Variants in NLRP9 observed in about 807,000 individuals in gnomAD.
NLRP9 encodes NLR family pyrin domain containing 9.
A neutral mutation model predicts 83.1 loss-of-function variants in NLRP9; 88 were observed. The ratio of observed to expected loss-of-function variants is 1.06; its 90% CI spans 0.89 to 1.26. The LOEUF is 1.26. Ranked by LOEUF, NLRP9 falls within the 50% of genes most tolerant of loss-of-function variation. NLRP9 has a pLI of 0.00. For missense variants in NLRP9, 1,308 were observed against 1,179.3 expected, an observed-to-expected ratio of 1.11 and a Z score of -1.60; for synonymous variants, 521 against 447.6, an observed-to-expected ratio of 1.16 and a Z score of -2.07.
chr19:55,724,080 G>A lies in NLRP9; in HGVS notation c.2059C>T (p.Leu687=), dbSNP rs1434864636. 6.2e-7 allele frequency: 1 copy of A among 1,613,394 alleles called. No homozygotes were observed. The highest frequency in any genetic ancestry group is 8.5e-7 in the Non-Finnish European group (1 of 1,179,474). Residue 687 remains leucine (L), a synonymous_variant, in exon 4 of 9, where the codon CTG becomes TTG. Coordinates refer to ENST00000332836, the MANE Select transcript of NLRP9 (RefSeq NM_176820.4). ...LFKAVLHNPH[L]KLLSLYGTSL... is the part of the protein sequence containing the mutation. ...GTGCCGTACAGGCTCAGAAGTTTCAGATGAGGGTTGTGAAGAACTGCCTTA... is the reference window on the plus strand; with the variant it reads ...GTGCCGTACAGGCTCAGAAGTTTCAAATGAGGGTTGTGAAGAACTGCCTTA...
chr19:55,716,460 T>C (rs746061810), intron 5 of NLRP9, among the ~76,000 whole-genome samples: 9 of 152,008 alleles, frequency 5.9e-5, no homozygotes, highest in Non-Finnish European at 8.8e-5. Flanking sequence ...AGTTTCCCCA[T>C]GTTGGCCAGG....
chr19:55,733,148 T>C lies in NLRP9; in HGVS notation c.683A>G (p.Asp228Gly). 6.2e-7 allele frequency: 1 copy of C among 1,614,202 alleles called. No individual in the cohort carries two copies. ...SQPERILFIM[D>G]GFEQLKFNLQ... The stretch of plus-strand genomic sequence containing the variant: ...GTTAAACTTCAGTTGCTCAAAGCCA[T>C]CCATGATGAACAGAATTCTCTCTGG... Residue 228 changes from aspartate to glycine, a missense_variant, in exon 2 of 9, where the codon GAT (aspartate) becomes GGT (glycine). By Grantham distance (94) the Asp-to-Gly change is moderately conservative (BLOSUM62 -1). Coordinates refer to ENST00000332836, the MANE Select transcript of NLRP9 (RefSeq NM_176820.4).
chr19:55,726,610 C>G (rs377411287), intron 3 of NLRP9, among the ~76,000 whole-genome samples: 7 of 152,302 alleles, frequency 4.6e-5, no homozygotes, highest in African/African-American at 1.4e-4. Flanking sequence ...TTTCCAGAAA[C>G]TATTATCACT....
At chr19:55,736,453 C>G (rs1485458083) in intron 1 of NLRP9, among the ~76,000 whole-genome samples, 1 of 151,914 alleles carries the variant, frequency 6.6e-6, no homozygotes, top group Non-Finnish European at 1.5e-5. Flanking sequence ...CTCAGTGTCC[C>G]AAGTGAGAAA....
intron 3 of NLRP9, among the ~76,000 whole-genome samples, chr19:55,724,960 G>C (rs550252725): frequency 6.6e-6 from 1 of 152,246 alleles, no homozygotes; most frequent in African/African-American, 2.4e-5. Flanking sequence ...TCAAGAGGCT[G>C]AGGTAGGAAA....
chr19:55,713,315 TAGAGGAC>T (rs1032026610), intron 6 of NLRP9, among the ~76,000 whole-genome samples: 8 of 151,786 alleles, frequency 5.3e-5, no homozygotes, highest in South Asian at 4.2e-4. Flanking sequence ...AAATGGTAGA[TAGAGGAC>T]AGAGGATAGG....
At position 55,713,058 on chromosome 19, in the gene NLRP9, ACTT is replaced by A. The variant is rs201190302; in HGVS notation, c.2502-471_2502-469del. 7.2e-3 allele frequency among the ~76,000 whole-genome samples: 1,074 copies of A among 149,100 alleles called. 13 individuals carry two copies. The highest frequency in any genetic ancestry group is 0.021 in the African/African-American group (856 of 40,426). On this transcript the variant is annotated intron_variant, in intron 6 of 8. Transcript: ENST00000332836. ...TGCTCCAACACTTTGGGGTCCCTGC[ACTT>A]CTTCTCTCCTGCCTGGCTCTCTTTT... is the stretch of plus-strand genomic sequence containing the variant.
At position 55,708,811 on chromosome 19, in the gene NLRP9, C is replaced by T. The variant is rs1987557886; in HGVS notation, c.*101G>A. The T allele has an allele frequency of 2.6e-6, 2 of 768,880 alleles. No homozygotes were observed. The highest frequency in any genetic ancestry group is 4.1e-6 in the Non-Finnish European group (2 of 492,428). 47.6% of individuals were successfully genotyped at this position (768,880 alleles called of 1,614,324 possible). The stretch of plus-strand genomic sequence containing the variant: ...AGGGAGTACCTCTGAAATCACAGCC[C>T]TGCTGCCATGATGTGCAATTACAGG... On this transcript the variant is annotated 3_prime_UTR_variant, in exon 9 of 9. Coordinates refer to ENST00000332836, the MANE Select transcript of NLRP9 (RefSeq NM_176820.4).
intron 8 of NLRP9, chr19:55,711,226 C>G: frequency 3.6e-6 from 1 of 278,384 alleles, no homozygotes; most frequent in Non-Finnish European, 5.4e-6. Context: ...CCATTTATAC[C>G]CCGCCCATTT....
chr19:55,710,840 CTT>C (rs902742747), intron 8 of NLRP9, among the ~76,000 whole-genome samples: 2 of 152,280 alleles, frequency 1.3e-5, no homozygotes, highest in African/African-American at 4.8e-5. Flanking sequence ...AATCCCAGCT[CTT>C]TGAGAGGCTG....
intron 4 of NLRP9, among the ~76,000 whole-genome samples, chr19:55,717,456 C>T (rs1301287850): frequency 2.0e-5 from 3 of 152,152 alleles, no homozygotes; most frequent in African/African-American, 4.8e-5. Context: ...GTGATTTGCC[C>T]TAATGGAGAC....
intron 6 of NLRP9, 94 bp from the exon 7 acceptor site, chr19:55,712,684 C>T (rs1349212882): frequency 5.4e-6 from 6 of 1,102,358 alleles, no homozygotes; most frequent in Middle Eastern, 2.8e-4. Flanking sequence ...GCAAGAAATA[C>T]CCAAGTAAAT....
At chr19:55,724,404 G>C (rs1489556380) in intron 3 of NLRP9, among the ~76,000 whole-genome samples, 1 of 152,070 alleles carries the variant, frequency 6.6e-6, no homozygotes, top group Non-Finnish European at 1.5e-5. Context: ...AGGAGAACGA[G>C]TCAGCCGAAT....
At chr19:55,715,260 A>T in intron 5 of NLRP9, 35 bp from the exon 6 acceptor site, 1 of 1,577,870 alleles carries the variant, frequency 6.3e-7, no homozygotes, top group Non-Finnish European at 8.7e-7. Context: ...AGCCTGCTGA[A>T]CAGCAGTACA....
rs1299468654 is a variant in NLRP9, at chr19:55,733,613, G to C, written c.281-63C>G. 9.9e-6 allele frequency: 10 copies of C among 1,013,402 alleles called. No homozygotes were observed. In the East Asian group the frequency reaches 2.4e-4, roughly 25 times the overall value. The allele number at this position is 1,013,402 out of a possible 1,614,324, so 62.8% of individuals were successfully genotyped here. A position where few individuals can be genotyped will look rare whatever the true frequency, so the allele number is the denominator to read the frequency against. On this transcript the variant is annotated intron_variant, in intron 1 of 8. Coordinates refer to ENST00000332836, the MANE Select transcript of NLRP9 (RefSeq NM_176820.4). ...TGCACTCATTCTTTTATACTTCTGA[G>C]AACTGTAAACCAAAAATAAAATTCT...
At chr19:55,716,264 T>C (rs1171570830) in intron 5 of NLRP9, among the ~76,000 whole-genome samples, 5 of 148,556 alleles carry the variant, frequency 3.4e-5, no homozygotes, top group Non-Finnish European at 6.0e-5. Flanking sequence ...TTTCTTTTTT[T>C]TTTTTTTTTT....
intron 4 of NLRP9, among the ~76,000 whole-genome samples, chr19:55,718,103 T>C (rs571194705): frequency 3.1e-4 from 47 of 152,342 alleles, no homozygotes; most frequent in African/African-American, 1.1e-3. Flanking sequence ...ATGTGCCTTG[T>C]TAACCATATG....
At chr19:55,733,573 T>C (rs1450794641) in intron 1 of NLRP9, 23 bp from the exon 2 acceptor site, 39 of 1,314,576 alleles carry the variant, frequency 3.0e-5, no homozygotes, top group Admixed American at 4.6e-5. Context: ...GAACAGGATA[T>C]AAGATAGGTA....
chr19:55,717,316 A>T (rs936073604), intron 4 of NLRP9, among the ~76,000 whole-genome samples: 6 of 152,128 alleles, frequency 3.9e-5, no homozygotes, highest in Non-Finnish European at 8.8e-5. Context: ...TACATGGATG[A>T]GCCACCGCGC....
Sources: allele counts gnomAD v4.1 joint callset (sites outside exome capture counted in the v4.1 genomes callset), GRCh38; gene constraint gnomAD v4.1.1; transcripts MANE v1.5; gene names NCBI Gene and HGNC (gene_info 2026-07-23, HGNC 2026-07-21).